The following MACROD2 variants were observed in gnomAD, a reference collection of about 807,000 sequenced individuals.
MACROD2 encodes ADP-ribose glycohydrolase MACROD2.
MACROD2 carries 36 observed loss-of-function variants against 70.4 expected under a neutral mutation model. The ratio of observed to expected loss-of-function variants is 0.51; its 90% CI spans 0.39 to 0.68. The LOEUF is 0.68. Among genes scored for constraint, MACROD2 ranks in the 30% least tolerant of loss-of-function variants. MACROD2 has a pLI of 0.00. For missense variants in MACROD2, 496 were observed against 538.4 expected (o/e 0.92, Z 0.78); for synonymous variants, 172 against 178.8 (o/e 0.96, Z 0.30).
chr20:14,628,827 T>C (rs1204305311), intron 4 of MACROD2: 1 of 152,158 alleles, frequency 6.6e-6, no homozygotes, highest in Non-Finnish European at 1.5e-5. Context: ...CATCATCCTC[T>C]CTGTAGGCAT....
intron 5 of MACROD2, among the ~76,000 whole-genome samples, chr20:14,773,012 G>A (rs901000394): frequency 1.3e-5 from 2 of 151,968 alleles, no homozygotes; most frequent in African/African-American, 2.4e-5. Context: ...TGGTGAAGTG[G>A]TTGTTTCAGC....
At chr20:14,233,181 A>G (rs1396027827) in intron 3 of MACROD2, among the ~76,000 whole-genome samples, 2 of 152,162 alleles carry the variant, frequency 1.3e-5, no homozygotes, top group African/African-American at 4.8e-5. Context: ...AGATCACCAT[A>G]AGAGATAAAA....
chr20:14,251,644 T>C (rs2082013418), intron 3 of MACROD2, among the ~76,000 whole-genome samples: 1 of 152,084 alleles, frequency 6.6e-6, no homozygotes, highest in African/African-American at 2.4e-5. Flanking sequence ...GTGCTAAAAA[T>C]GTCTGCCTCT....
intron 5 of MACROD2, among the ~76,000 whole-genome samples, chr20:14,691,647 G>A (rs978096884): frequency 1.3e-5 from 2 of 152,164 alleles, no homozygotes; most frequent in African/African-American, 4.8e-5. Flanking sequence ...TAATTCATAA[G>A]ATGGTTCTGA....
At chr20:15,551,735 G>A (rs1020667716) in intron 8 of MACROD2, among the ~76,000 whole-genome samples, 1 of 152,044 alleles carries the variant, frequency 6.6e-6, no homozygotes, top group Non-Finnish European at 1.5e-5. Context: ...GGATGTGATG[G>A]TGTGGGCCTG....
chr20:14,553,475 A>T (rs1037825440), intron 4 of MACROD2, among the ~76,000 whole-genome samples: 3 of 149,814 alleles, frequency 2.0e-5, no homozygotes, highest in Non-Finnish European at 4.4e-5. Context: ...ATAGTATGGT[A>T]GATACAGAAA....
Position 16,044,610 on chromosome 20 carries a change from CAG to C in MACROD2, c.1276_1277del (p.Gln427ThrfsTer12). 6.2e-7 allele frequency: 1 copy of C among 1,611,674 alleles called. No individual in the cohort carries two copies. Among genetic ancestry groups the C allele is most frequent in the Non-Finnish European group, 8.5e-7 (1 of 1,179,038 alleles). ...CAGGTTGACAAGGTAAATGACCCAA[CAG>C]AGAGTCAACAAGAAGATCAACTAAT... On this transcript the variant is annotated frameshift_variant, in exon 17 of 18. Transcript: ENST00000684519. LOFTEE classifies it high-confidence loss of function.
At chr20:16,006,805 A>C (rs2066795059) in intron 15 of MACROD2, among the ~76,000 whole-genome samples, 1 of 152,178 alleles carries the variant, frequency 6.6e-6, no homozygotes, top group Non-Finnish European at 1.5e-5. Flanking sequence ...ACTTGGGTAA[A>C]AGGAGAATTA....
rs1033175506 is a variant in MACROD2 at position 14,247,689 on chromosome 20, CATGGTGAAA to C, written c.271+161965_271+161973del. Among the ~76,000 whole-genome samples the C allele has an allele frequency of 6.8e-4, 104 of 152,216 alleles. 1 individual carries two copies. The highest frequency in any genetic ancestry group is 5.2e-4 in the Admixed American group (8 of 15,282). On this transcript the variant is annotated intron_variant, in intron 3 of 17. Coordinates refer to ENST00000684519, the MANE Select transcript of MACROD2 (RefSeq NM_001351661.2). ...CTGCAGAAGAAGTGCCTATAAGTGA[CATGGTGAAA>C]ATGTGTGATGGGATTATTGAAGGAA...
chr20:15,665,176 T>G (rs990007561), intron 8 of MACROD2, among the ~76,000 whole-genome samples: 5 of 152,214 alleles, frequency 3.3e-5, no homozygotes, highest in Admixed American at 6.5e-5. Context: ...TCTAAATGAT[T>G]GTTGAACATT....
chr20:14,509,218 T>G (rs2085002357), intron 4 of MACROD2, among the ~76,000 whole-genome samples: 1 of 152,136 alleles, frequency 6.6e-6, no homozygotes, highest in Admixed American at 6.6e-5. Context: ...TTCTTTCCCC[T>G]TTTTTGATTT....
At chr20:15,561,821 A>G (rs2048248635) in intron 8 of MACROD2, among the ~76,000 whole-genome samples, 1 of 152,046 alleles carries the variant, frequency 6.6e-6, no homozygotes, top group South Asian at 2.1e-4. Flanking sequence ...TAAAATAAGA[A>G]CAGAGCACAC....
chr20:15,838,562 A>G (rs2064138178), intron 8 of MACROD2, among the ~76,000 whole-genome samples: 1 of 152,082 alleles, frequency 6.6e-6, no homozygotes, highest in South Asian at 2.1e-4. Context: ...CAGCAATTGT[A>G]TTTCATCCCC....
chr20:14,012,621 C>G (rs2052928328), intron 2 of MACROD2, among the ~76,000 whole-genome samples: 1 of 152,148 alleles, frequency 6.6e-6, no homozygotes, highest in Non-Finnish European at 1.5e-5. Flanking sequence ...TGACTTTTCT[C>G]TGCTTCTTGG....
intron 6 of MACROD2, among the ~76,000 whole-genome samples, chr20:15,359,317 C>G (rs985163217): frequency 2.0e-5 from 3 of 151,834 alleles, no homozygotes; most frequent in African/African-American, 7.3e-5. Context: ...ACTGCTTACT[C>G]AGAATGGTAG....
intron 12 of MACROD2, among the ~76,000 whole-genome samples, chr20:15,955,548 A>G (rs561563334): frequency 4.7e-4 from 72 of 152,282 alleles, no homozygotes; most frequent in African/African-American, 1.6e-3. Context: ...TCCTTTGGCA[A>G]GCTATAATTT....
chr20:15,145,366 A>ATT (rs200455011), intron 5 of MACROD2, among the ~76,000 whole-genome samples: 1 of 150,912 alleles, frequency 6.6e-6, no homozygotes. Flanking sequence ...GAATTACTCT[A>ATT]TTTTTTTTTG....
intron 8 of MACROD2, among the ~76,000 whole-genome samples, chr20:15,715,134 T>C (rs1487297351): frequency 6.6e-6 from 1 of 152,158 alleles, no homozygotes; most frequent in African/African-American, 2.4e-5. Flanking sequence ...CTGTTGGGAT[T>C]TAATTTTATG....
chr20:15,118,274 C>T (rs2076006206), intron 5 of MACROD2, among the ~76,000 whole-genome samples: 1 of 150,344 alleles, frequency 6.7e-6, no homozygotes, highest in Non-Finnish European at 1.5e-5. Flanking sequence ...CTCACTGCAA[C>T]CTCCACCTAC....
Sources: allele counts gnomAD v4.1 joint callset (sites outside exome capture counted in the v4.1 genomes callset), GRCh38; gene constraint gnomAD v4.1.1; transcripts MANE v1.5; gene names NCBI Gene and HGNC (gene_info 2026-07-23, HGNC 2026-07-21).